The following SPIDR variants were observed in gnomAD, a reference collection of about 807,000 sequenced individuals.
The protein encoded by SPIDR is scaffold protein involved in DNA repair, also known as DNA repair-scaffolding protein.
A neutral mutation model predicts 104.6 loss-of-function variants in SPIDR; 93 were observed. That is an observed-to-expected ratio of 0.89 (90% CI 0.75 to 1.06). The LOEUF (loss-of-function observed/expected upper bound fraction) is 1.06, where lower values mean the gene tolerates loss of function less well. Among genes scored for constraint, SPIDR ranks in the 50% least tolerant of loss-of-function variants. SPIDR has a pLI of 0.00. For synonymous variants in SPIDR, 431 were observed against 416.9 expected, an observed-to-expected ratio of 1.03 and a Z score of -0.41; for missense variants, 1,154 against 1,111.2, an observed-to-expected ratio of 1.04 and a Z score of -0.55.
At chr8:47,647,667 A>AG (rs1449073118) in intron 10 of SPIDR, among the ~76,000 whole-genome samples, 1 of 149,928 alleles carries the variant, frequency 6.7e-6, no homozygotes, top group African/African-American at 2.5e-5. Context: ...AGAGAGAGAG[A>AG]GGGAGAGAGG....
At chr8:47,605,524 G>A (rs2062827479) in intron 10 of SPIDR, among the ~76,000 whole-genome samples, 1 of 152,162 alleles carries the variant, frequency 6.6e-6, no homozygotes. Flanking sequence ...GTTTCCTAAT[G>A]TGTATGCAGG....
At chr8:47,336,474 G>A (rs993797026) in intron 5 of SPIDR, among the ~76,000 whole-genome samples, 1 of 152,162 alleles carries the variant, frequency 6.6e-6, no homozygotes, top group Non-Finnish European at 1.5e-5. Flanking sequence ...CTAAAATTAG[G>A]GGTTTAGGTA....
chr8:47,485,986 C>A (rs2077552613), intron 8 of SPIDR, among the ~76,000 whole-genome samples: 1 of 152,204 alleles, frequency 6.6e-6, no homozygotes, highest in Non-Finnish European at 1.5e-5. Context: ...AGCAACGGAA[C>A]AAAGCTGGAC....
chr8:47,691,290 CAAAAA>C (rs60147394), intron 11 of SPIDR, among the ~76,000 whole-genome samples: 1 of 86,664 alleles, frequency 1.2e-5, no homozygotes. Context: ...GACTCCGTCT[CAAAAA>C]AAAAAAAAAA....
chr8:47,387,388 G>A (rs1234592079), intron 5 of SPIDR, among the ~76,000 whole-genome samples: 1 of 152,184 alleles, frequency 6.6e-6, no homozygotes, highest in Admixed American at 6.5e-5. Flanking sequence ...TCTGATTGTG[G>A]TGTGTAGGGC....
At chr8:47,676,339 A>G (rs990554930) in intron 11 of SPIDR, among the ~76,000 whole-genome samples, 2 of 152,186 alleles carry the variant, frequency 1.3e-5, no homozygotes, top group Non-Finnish European at 2.9e-5. Context: ...ATTATTTTAT[A>G]TATTTAATTA....
chr8:47,396,688 A>T (rs1392636038), intron 6 of SPIDR, 62 bp downstream of exon 6: 3 of 1,451,396 alleles, frequency 2.1e-6, no homozygotes, highest in Middle Eastern at 1.8e-4. Flanking sequence ...AAACCCAAAT[A>T]TCTAAAATGT....
In SPIDR at chr8:47,525,052, G is replaced by A. The variant is rs145545380; in HGVS notation, c.1098-70759G>A. ...TTGGATTTCCTGCTAGTTCTGATCCGAGGCATTCTTCCCGGACTAGGGTGA... is the reference window on the plus strand; with the variant it reads ...TTGGATTTCCTGCTAGTTCTGATCCAAGGCATTCTTCCCGGACTAGGGTGA... On this transcript the variant is annotated intron_variant, in intron 8 of 19. Coordinates refer to ENST00000297423, the MANE Select transcript of SPIDR (RefSeq NM_001080394.4). Among the ~76,000 whole-genome samples, 136 of 152,296 alleles carry A rather than the reference G, an allele frequency of 8.9e-4. 3 individuals carry two copies. The East Asian group carries it at 0.016, about 18-fold the overall frequency.
At position 47,688,129 on chromosome 8, in the gene SPIDR, T is replaced by G. The variant is rs534696232; in HGVS notation, c.1686-12274T>G. 3.9e-5 allele frequency among the ~76,000 whole-genome samples: 6 copies of G among 152,162 alleles called. No individual in the cohort carries two copies. The South Asian group carries it at 1.2e-3, about 32-fold the overall frequency. ...TCTTTGTGTTTTGCTTTTTATTTTATTTTATTTATTTATTTTTTGAGACGG... is the reference window on the plus strand; with the variant it reads ...TCTTTGTGTTTTGCTTTTTATTTTAGTTTATTTATTTATTTTTTGAGACGG... On this transcript the variant is annotated intron_variant, in intron 11 of 19. Coordinates refer to ENST00000297423, the MANE Select transcript of SPIDR (RefSeq NM_001080394.4).
At chr8:47,530,797 A>C (rs2154384296) in intron 8 of SPIDR, among the ~76,000 whole-genome samples, 1 of 152,196 alleles carries the variant, frequency 6.6e-6, no homozygotes, top group Admixed American at 6.5e-5. Context: ...AATTTTTCTT[A>C]ATTTTTTATC....
chr8:47,468,026 C>T (rs1203406437), intron 8 of SPIDR, among the ~76,000 whole-genome samples: 1 of 152,138 alleles, frequency 6.6e-6, no homozygotes, highest in Admixed American at 6.5e-5. Context: ...GATGCAAAAT[C>T]AGTGCGCAAA....
chr8:47,502,147 T>C (rs1030038424), intron 8 of SPIDR, among the ~76,000 whole-genome samples: 2 of 152,240 alleles, frequency 1.3e-5, no homozygotes, highest in Non-Finnish European at 2.9e-5. Context: ...AGGATGATGC[T>C]GGCCTCATAA....
At chr8:47,702,267 A>G (rs1468357391) in intron 14 of SPIDR, among the ~76,000 whole-genome samples, 1 of 152,130 alleles carries the variant, frequency 6.6e-6, no homozygotes, top group Non-Finnish European at 1.5e-5. Context: ...CCTTTTACAG[A>G]TGCAGACTAC....
chr8:47,646,737 T>C (rs2070434576), intron 10 of SPIDR, among the ~76,000 whole-genome samples: 1 of 152,158 alleles, frequency 6.6e-6, no homozygotes, highest in Non-Finnish European at 1.5e-5. Flanking sequence ...ACAGTGATTA[T>C]CTGTGAGGGG....
chr8:47,531,887 CAT>C (rs2086069195), intron 8 of SPIDR, among the ~76,000 whole-genome samples: 4 of 152,096 alleles, frequency 2.6e-5, no homozygotes, highest in East Asian at 1.9e-4. Context: ...AAAATAGAAT[CAT>C]ATAAAATGGC....
At chr8:47,501,399 G>A (rs2080411865) in intron 8 of SPIDR, among the ~76,000 whole-genome samples, 1 of 152,046 alleles carries the variant, frequency 6.6e-6, no homozygotes, top group Admixed American at 6.6e-5. Context: ...TATTCTCTTT[G>A]AAGCAATTGT....
intron 7 of SPIDR, among the ~76,000 whole-genome samples, chr8:47,415,413 A>T (rs2064117419): frequency 1.3e-5 from 2 of 152,026 alleles, no homozygotes; most frequent in Admixed American, 1.3e-4. Flanking sequence ...ACATGCATTT[A>T]TTTCTGTGTG....
At chr8:47,699,131 T>G (rs1190235617) in intron 11 of SPIDR, among the ~76,000 whole-genome samples, 1 of 152,216 alleles carries the variant, frequency 6.6e-6, no homozygotes, top group Non-Finnish European at 1.5e-5. Context: ...CTGGGCAGAT[T>G]TTTTAGCAAA....
At chr8:47,370,439 A>ATTTT (rs34220804) in intron 5 of SPIDR, among the ~76,000 whole-genome samples, 29 of 99,072 alleles carry the variant, frequency 2.9e-4, no homozygotes, top group African/African-American at 6.5e-4. Flanking sequence ...AGAGGTCAAG[A>ATTTT]TTTTTTTTTT....
Sources: gnomAD v4.1 joint callset for allele counts (sites outside exome capture counted in the v4.1 genomes callset) on GRCh38, gnomAD v4.1.1 for gene constraint, MANE v1.5 for transcripts, NCBI Gene and HGNC (gene_info 2026-07-23, HGNC 2026-07-21) for gene names.